Variants in BMPR2 observed in about 807,000 individuals in gnomAD.
BMPR2 encodes bone morphogenetic protein receptor type 2, also known as bone morphogenetic protein receptor type-2.
In BMPR2, 29 loss-of-function variants were observed where a neutral mutation model predicts 100.8. The observed-to-expected ratio is 0.29, with a 90% CI of 0.21 to 0.39. BMPR2 has a LOEUF of 0.39. BMPR2 is among the 10% of genes least tolerant of loss of function. BMPR2 has a pLI of 1.00. For missense variants in BMPR2, 1,011 were observed against 1,274.5 expected (o/e 0.79, Z 3.15); for synonymous variants, 382 against 442.3 (o/e 0.86, Z 1.71).
chr2:202,395,090 G>T (rs1224521150), intron 1 of BMPR2, among the ~76,000 whole-genome samples: 2 of 151,232 alleles, frequency 1.3e-5, no homozygotes, highest in African/African-American at 4.9e-5. Flanking sequence ...CACCATATTG[G>T]CCAGGCTGGT....
intron 1 of BMPR2, among the ~76,000 whole-genome samples, chr2:202,409,162 C>T (rs1969282): frequency 0.5 from 76,388 of 151,922 alleles, 19,802 homozygotes; most frequent in African/African-American, 0.61. Context: ...CTGGGCAAGA[C>T]GGCGAAACCT....
chr2:202,464,159 C>CAA (rs71406983), intron 1 of BMPR2, among the ~76,000 whole-genome samples: 8,556 of 62,014 alleles, frequency 0.14, 598 homozygotes, highest in Non-Finnish European at 0.16. Flanking sequence ...AACTCTGTCT[C>CAA]AAAAAAAAAA....
At chr2:202,518,040 A>G (rs1239124577) in intron 5 of BMPR2, among the ~76,000 whole-genome samples, 1 of 113,982 alleles carries the variant, frequency 8.8e-6, no homozygotes, top group African/African-American at 3.4e-5. Context: ...GTTAGCCAGG[A>G]TGGTCTCGAT....
At chr2:202,475,989 G>A (rs966698926) in intron 3 of BMPR2, among the ~76,000 whole-genome samples, 1 of 150,444 alleles carries the variant, frequency 6.6e-6, no homozygotes, top group African/African-American at 2.5e-5. Context: ...CAGGAGAATC[G>A]CTTGAACCTG....
intron 7 of BMPR2, 22 bp downstream of exon 7, chr2:202,520,223 A>G: frequency 6.5e-7 from 1 of 1,535,626 alleles, no homozygotes; most frequent in South Asian, 1.1e-5. Context: ...AATAGATGAA[A>G]TTGACACTCA....
intron 1 of BMPR2, among the ~76,000 whole-genome samples, chr2:202,458,771 AACTT>A (rs1692171287): frequency 3.9e-5 from 6 of 152,320 alleles, no homozygotes; most frequent in African/African-American, 1.2e-4. Flanking sequence ...CCTATAAGCA[AACTT>A]ACTTATAATT....
intron 9 of BMPR2, among the ~76,000 whole-genome samples, chr2:202,535,192 C>A (rs1301421045): frequency 6.6e-6 from 1 of 150,398 alleles, no homozygotes; most frequent in South Asian, 2.1e-4. Context: ...CTGACCCCCC[C>A]CACCTCCCTC....
At chr2:202,439,209 G>T (rs755047455) in intron 1 of BMPR2, among the ~76,000 whole-genome samples, 6 of 149,636 alleles carry the variant, frequency 4.0e-5, no homozygotes, top group Non-Finnish European at 7.4e-5. Flanking sequence ...TAATAATTTT[G>T]TTCTTTTGAT....
At chr2:202,533,679 C>T (rs952316825) in intron 9 of BMPR2, among the ~76,000 whole-genome samples, 1 of 151,950 alleles carries the variant, frequency 6.6e-6, no homozygotes, top group African/African-American at 2.4e-5. Context: ...AAAAATTAGC[C>T]AGGCGTGGTG....
intron 1 of BMPR2, 107 bp from the exon 2 acceptor site, chr2:202,464,702 A>G (rs1449235431): frequency 4.7e-6 from 5 of 1,073,652 alleles, no homozygotes; most frequent in African/African-American, 1.6e-5. Context: ...TTCAGTTCAA[A>G]TAATTTAGTA....
intron 3 of BMPR2, among the ~76,000 whole-genome samples, chr2:202,469,912 A>G (rs1473153923): frequency 2.0e-5 from 3 of 152,236 alleles, no homozygotes; most frequent in African/African-American, 7.2e-5. Flanking sequence ...ATTTGACTAT[A>G]TACACTCTTG....
chr2:202,496,958 G>A (rs1244609194), intron 3 of BMPR2, among the ~76,000 whole-genome samples: 1 of 152,258 alleles, frequency 6.6e-6, no homozygotes. Flanking sequence ...TTGCGGGCCA[G>A]CTGGAGTTCC....
In BMPR2 at chr2:202,557,461, TCAAACACACA is replaced by T. The variant is rs751530945; in HGVS notation, c.2866+933_2866+942del. Among the ~76,000 whole-genome samples, 261 of 104,952 alleles carry T rather than the reference TCAAACACACA, an allele frequency of 2.5e-3. 3 individuals carry two copies. The highest frequency in any genetic ancestry group is 3.3e-4 in the Non-Finnish European group (17 of 51,708). The allele number at this position is 104,952 out of a possible 152,430, so 68.9% of individuals were successfully genotyped here. On this transcript the variant is annotated intron_variant, in intron 12 of 12. Coordinates refer to ENST00000374580, the MANE Select transcript of BMPR2 (RefSeq NM_001204.7). The stretch of plus-strand genomic sequence containing the variant: ...CTGGGTGACAGAATGAAACTCTGTC[TCAAACACACA>T]CACACACACACACACACACACACAC...
chr2:202,529,123 T>G (rs1313748184), intron 7 of BMPR2, among the ~76,000 whole-genome samples: 1 of 152,210 alleles, frequency 6.6e-6, no homozygotes, highest in Admixed American at 6.5e-5. Context: ...AACTCAGACT[T>G]CACCAGAAAA....
intron 1 of BMPR2, among the ~76,000 whole-genome samples, chr2:202,435,706 A>T (rs1243724300): frequency 6.7e-6 from 1 of 149,996 alleles, no homozygotes; most frequent in Non-Finnish European, 1.5e-5. Flanking sequence ...TAAGTGCCCT[A>T]TACAGGTATA....
At chr2:202,467,778 GC>G (rs1559047678) in intron 3 of BMPR2, 89 bp downstream of exon 3, 25 of 1,399,844 alleles carry the variant, frequency 1.8e-5, no homozygotes, top group Non-Finnish European at 2.4e-5. Context: ...CAAGGTTGAA[GC>G]CAGGCGTGAT....
chr2:202,378,297 A>T (rs1015461469), intron 1 of BMPR2, among the ~76,000 whole-genome samples: 2 of 152,180 alleles, frequency 1.3e-5, no homozygotes, highest in African/African-American at 4.8e-5. Context: ...TTCAGTTCTC[A>T]GAAACCTTAG....
intron 2 of BMPR2, among the ~76,000 whole-genome samples, chr2:202,466,361 A>T (rs1330718640): frequency 6.6e-6 from 1 of 151,660 alleles, no homozygotes; most frequent in Non-Finnish European, 1.5e-5. Context: ...ATCTCGGCTC[A>T]CTGCAACCTC....
At chr2:202,461,543 A>G (rs1412719349) in intron 1 of BMPR2, among the ~76,000 whole-genome samples, 3 of 152,340 alleles carry the variant, frequency 2.0e-5, no homozygotes, top group Admixed American at 6.5e-5. Context: ...AAGAACATCA[A>G]TAAGCATGTG....
Sources: gnomAD v4.1 joint callset for allele counts (sites outside exome capture counted in the v4.1 genomes callset) on GRCh38, gnomAD v4.1.1 for gene constraint, MANE v1.5 for transcripts, NCBI Gene and HGNC (gene_info 2026-07-23, HGNC 2026-07-21) for gene names.